Variants in PCDHA10 observed in about 807,000 individuals in gnomAD.
The protein encoded by PCDHA10 is protocadherin alpha 10.
Under a neutral mutation model 61.2 loss-of-function variants are expected in PCDHA10, and 45 were observed. The observed-to-expected ratio is 0.74, with a 90% confidence interval of 0.58 to 0.94. The LOEUF is 0.94. PCDHA10 is among the 40% of genes least tolerant of loss of function. The pLI, the probability that PCDHA10 is intolerant of heterozygous loss-of-function variation, is 0.00. For missense variants in PCDHA10, 1,278 were observed against 1,236.2 expected, an observed-to-expected ratio of 1.03 and a Z score of -0.51; for synonymous variants, 602 against 548.8, an observed-to-expected ratio of 1.10 and a Z score of -1.35.
At chr5:140,910,357 T>C (rs1394310433) in intron 1 of PCDHA10, among the ~76,000 whole-genome samples, 3 of 152,226 alleles carry the variant, frequency 2.0e-5, no homozygotes, top group African/African-American at 7.2e-5. Flanking sequence ...CTGTCCATTA[T>C]GGTAGCTATG....
At chr5:140,880,064 G>C (rs967410421) in intron 1 of PCDHA10, among the ~76,000 whole-genome samples, 2 of 152,148 alleles carry the variant, frequency 1.3e-5, no homozygotes, top group African/African-American at 2.4e-5. Context: ...ACTTTTTGGG[G>C]ACCACAATTC....
intron 1 of PCDHA10, chr5:140,878,010 A>G: frequency 2.4e-6 from 2 of 839,980 alleles, no homozygotes; most frequent in Non-Finnish European, 3.4e-6. Flanking sequence ...GTCTAACATT[A>G]ATGAAGGAAA....
At chr5:140,952,261 C>T (rs246037) in intron 1 of PCDHA10, among the ~76,000 whole-genome samples, 85,112 of 150,858 alleles carry the variant, frequency 0.56, 24,616 homozygotes, top group African/African-American at 0.69. Flanking sequence ...GATTCCCATT[C>T]TGGGGTCTTG....
At chr5:141,002,907 A>T (rs1201381868) in intron 3 of PCDHA10, among the ~76,000 whole-genome samples, 1 of 152,210 alleles carries the variant, frequency 6.6e-6, no homozygotes, top group Non-Finnish European at 1.5e-5. Flanking sequence ...TGAAGAGAAG[A>T]TCAGAAAAGT....
intron 3 of PCDHA10, among the ~76,000 whole-genome samples, chr5:140,984,963 A>T (rs1390500469): frequency 1.3e-5 from 2 of 151,890 alleles, no homozygotes; most frequent in Non-Finnish European, 2.9e-5. Context: ...TTTGAGACAG[A>T]GTCTCGCTCT....
Position 140,890,095 on chromosome 5 carries a change from C to T in PCDHA10, c.2388+31659C>T, listed in dbSNP as rs1237299507. On this transcript the variant is annotated intron_variant, in intron 1 of 3. Coordinates refer to ENST00000307360, the MANE Select transcript of PCDHA10 (RefSeq NM_018901.4). ...TGAGAACTGATAATGCAAATTTATT[C>T]CCAACTCTGGATTCAATGATGTCAC... Among the ~76,000 whole-genome samples the T allele has an allele frequency of 2.6e-5, 4 of 152,128 alleles. 1 individual carries two copies. The highest frequency in any genetic ancestry group is 1.3e-4 in the Admixed American group (2 of 15,262).
chr5:140,993,203 A>T (rs1563587510), intron 3 of PCDHA10, among the ~76,000 whole-genome samples: 2 of 152,090 alleles, frequency 1.3e-5, no homozygotes, highest in African/African-American at 4.8e-5. Context: ...ACTAAAGCTA[A>T]TTTTTTTAGC....
rs782446287 is a variant in PCDHA10, at chr5:140,870,927, T to A, written c.2388+12491T>A. The A allele has an allele frequency of 1.9e-6, 3 of 1,613,762 alleles. No homozygotes were observed. The African/African-American group carries it at 4.0e-5, about 22-fold the overall frequency. ...CAGGCTACAACGCGTGGCTTTCATA[T>A]GAATTGCAGCCGGCGGCGGGCGGCT... is the stretch of plus-strand genomic sequence containing the variant. On this transcript the variant is annotated intron_variant, in intron 1 of 3. Transcript: ENST00000307360.
rs577872820 is a variant in PCDHA10, at chr5:140,862,061, T to G, written c.2388+3625T>G. Reference sequence around the variant, plus strand: ...AACCGTCACATTGTTTCTTTGCAACTGATGTCTCCCCTAACATAGAAGCCC... The same window carrying G: ...AACCGTCACATTGTTTCTTTGCAACGGATGTCTCCCCTAACATAGAAGCCC... On this transcript the variant is annotated intron_variant, in intron 1 of 3. Coordinates refer to ENST00000307360, the MANE Select transcript of PCDHA10 (RefSeq NM_018901.4). 26 of 155,902 alleles carry G rather than the reference T, an allele frequency of 1.7e-4. No homozygotes were observed. In the South Asian group the frequency reaches 2.8e-3, roughly 17 times the overall value. 9.7% of individuals were successfully genotyped at this position (155,902 alleles called of 1,614,324 possible).
chr5:140,939,182 C>T (rs2092333864), intron 1 of PCDHA10, among the ~76,000 whole-genome samples: 1 of 152,146 alleles, frequency 6.6e-6, no homozygotes, highest in African/African-American at 2.4e-5. Context: ...GGCCCACTCC[C>T]TGGTTCATAA....
intron 1 of PCDHA10, chr5:140,882,238 G>T: frequency 6.3e-7 from 1 of 1,583,494 alleles, no homozygotes; most frequent in Non-Finnish European, 8.6e-7. Context: ...TGTATATATT[G>T]CAGATAGCTC....
At chr5:140,892,827 A>G (rs1304427197) in intron 1 of PCDHA10, among the ~76,000 whole-genome samples, 3 of 152,188 alleles carry the variant, frequency 2.0e-5, no homozygotes, top group African/African-American at 7.2e-5. Context: ...ACAGTGCTAC[A>G]GTGCTGCAAA....
chr5:140,988,156 C>A (rs546335543), intron 3 of PCDHA10, among the ~76,000 whole-genome samples: 1 of 152,054 alleles, frequency 6.6e-6, no homozygotes, highest in Non-Finnish European at 1.5e-5. Flanking sequence ...CAACTTCTGC[C>A]GTTGTCATAG....
chr5:140,983,807 G>T (rs1158459034), intron 3 of PCDHA10, among the ~76,000 whole-genome samples: 1 of 152,100 alleles, frequency 6.6e-6, no homozygotes, highest in African/African-American at 2.4e-5. Context: ...TGTGTAAAAG[G>T]TTTTTTCCCA....
intron 3 of PCDHA10, among the ~76,000 whole-genome samples, chr5:140,994,387 C>T (rs192635308): frequency 1.3e-5 from 2 of 152,174 alleles, no homozygotes; most frequent in East Asian, 1.9e-4. Context: ...GGGACTAAGT[C>T]AGAGATTATT....
intron 1 of PCDHA10, among the ~76,000 whole-genome samples, chr5:140,915,642 C>CTCTG (rs1236956905): frequency 1.3e-5 from 2 of 152,012 alleles, no homozygotes; most frequent in African/African-American, 2.4e-5. Context: ...CTCTCTCTCT[C>CTCTG]TCTCTCTCTC....
chr5:140,954,843 G>T (rs1011520662), intron 1 of PCDHA10, among the ~76,000 whole-genome samples: 4 of 152,058 alleles, frequency 2.6e-5, no homozygotes, highest in African/African-American at 9.7e-5. Flanking sequence ...TGAAATCTTT[G>T]CCTGTGCCTA....
chr5:140,967,922 G>T (rs782146005), intron 1 of PCDHA10: 1 of 1,614,198 alleles, frequency 6.2e-7, no homozygotes, highest in South Asian at 1.1e-5. Flanking sequence ...CATTGTGGCC[G>T]TTCTCAGTGT....
chr5:140,906,175 G>T (rs1177661963), intron 1 of PCDHA10, among the ~76,000 whole-genome samples: 18 of 152,058 alleles, frequency 1.2e-4, no homozygotes, highest in African/African-American at 4.1e-4. Flanking sequence ...ACAATACTTT[G>T]CATCCTTCAA....
Sources: allele counts gnomAD v4.1 joint callset (sites outside exome capture counted in the v4.1 genomes callset), GRCh38; gene constraint gnomAD v4.1.1; transcripts MANE v1.5; gene names NCBI Gene and HGNC (gene_info 2026-07-23, HGNC 2026-07-21).